The following PTPRZ1 variants were observed in gnomAD, a reference collection of about 807,000 sequenced individuals.
PTPRZ1 encodes protein tyrosine phosphatase receptor type Z1.
Under a neutral mutation model 214.1 loss-of-function variants are expected in PTPRZ1, and 82 were observed. The ratio of observed to expected loss-of-function variants is 0.38; its 90% CI spans 0.32 to 0.46. The LOEUF (loss-of-function observed/expected upper bound fraction) is 0.46. Ranked by LOEUF, PTPRZ1 falls within the 20% of genes least tolerant of loss-of-function variation. PTPRZ1 has a pLI of 1.00. For synonymous variants in PTPRZ1, 945 were observed against 987.9 expected (o/e 0.96, Z 0.81); for missense variants, 2,603 against 2,748.7 (o/e 0.95, Z 1.19).
chr7:122,019,338 G>A (rs1798946837), intron 13 of PTPRZ1, 70 bp downstream of exon 13: 1 of 1,424,538 alleles, frequency 7.0e-7, no homozygotes, highest in Non-Finnish European at 9.8e-7. Context: ...TCATCTGAAA[G>A]GTCTTCAAAG....
intron 1 of PTPRZ1, among the ~76,000 whole-genome samples, chr7:121,914,720 A>C (rs1795368885): frequency 6.6e-6 from 1 of 152,162 alleles, no homozygotes. Flanking sequence ...TAACAACATA[A>C]TGGGATTGTT....
intron 17 of PTPRZ1, 21 bp downstream of exon 17, chr7:122,034,399 G>A (rs1183686782): frequency 1.2e-6 from 2 of 1,601,714 alleles, no homozygotes; most frequent in South Asian, 1.1e-5. Context: ...TCTTAAATCA[G>A]CTCTGACTTC....
intron 13 of PTPRZ1, among the ~76,000 whole-genome samples, chr7:122,025,407 G>A (rs1439960234): frequency 4.1e-5 from 6 of 146,472 alleles, no homozygotes; most frequent in East Asian, 2.1e-4. Context: ...TCAGCTCACC[G>A]CAACCTCCAC....
chr7:122,013,578 T>C lies in PTPRZ1; in HGVS notation c.4532T>C (p.Leu1511Pro). Reference protein sequence around the residue: ...SPGKSPSANGLSQKHNDGKEE... With the variant: ...SPGKSPSANGPSQKHNDGKEE... ...GGTAAATCACCATCAGCAAATGGGC[T>C]ATCCCAAAAGCACAATGATGGAAAA... The change falls in exon 12 of 30, where the codon CTA becomes CCA. Residue 1511 changes from leucine to proline, a missense_variant. Leu to Pro is a moderately conservative substitution (Grantham distance 98). Transcript: ENST00000393386. 1 of 1,614,218 alleles carries C rather than the reference T, an allele frequency of 6.2e-7. No homozygotes were observed. The highest frequency in any genetic ancestry group is 8.5e-7 in the Non-Finnish European group (1 of 1,180,026).
At chr7:121,895,977 A>C (rs1211605750) in intron 1 of PTPRZ1, among the ~76,000 whole-genome samples, 1 of 152,162 alleles carries the variant, frequency 6.6e-6, no homozygotes, top group Non-Finnish European at 1.5e-5. Flanking sequence ...CAGGCTCCCT[A>C]GTCATTCTGC....
chr7:121,987,074 TAA>T (rs959893139), intron 8 of PTPRZ1, among the ~76,000 whole-genome samples: 4 of 152,224 alleles, frequency 2.6e-5, no homozygotes, highest in African/African-American at 9.6e-5. Flanking sequence ...TTAGGATAAA[TAA>T]AAGTGCTCAA....
At chr7:122,000,744 T>C (rs1798298937) in intron 10 of PTPRZ1, among the ~76,000 whole-genome samples, 1 of 140,388 alleles carries the variant, frequency 7.1e-6, no homozygotes, top group South Asian at 2.3e-4. Flanking sequence ...TGGAATGCAG[T>C]GGTGCAATCT....
intron 2 of PTPRZ1, among the ~76,000 whole-genome samples, chr7:121,945,474 A>G (rs1796343898): frequency 6.6e-6 from 1 of 152,158 alleles, no homozygotes; most frequent in South Asian, 2.1e-4. Flanking sequence ...GTACATTTTC[A>G]AAGTTGTAAG....
chr7:121,946,135 T>G (rs988033780), intron 2 of PTPRZ1, among the ~76,000 whole-genome samples: 3 of 152,220 alleles, frequency 2.0e-5, no homozygotes, highest in African/African-American at 7.2e-5. Context: ...TTCAGTGCTC[T>G]TGAAATTGAA....
chr7:122,012,331 C>T lies in PTPRZ1; in HGVS notation c.3285C>T (p.Thr1095=). ...AAACCTCTGTTTCCATTTCTAGCAC[C>T]AAGGGCATGTTTCCAGGGTCCCTTG... ...LQETSVSISS[T]KGMFPGSLAH... is the part of the protein sequence containing the mutation. The change falls in exon 12 of 30, where the codon ACC becomes ACT. Residue 1095 remains threonine (T), a synonymous_variant. Coordinates refer to ENST00000393386, the MANE Select transcript of PTPRZ1 (RefSeq NM_002851.3). The T allele has an allele frequency of 6.2e-7, 1 of 1,613,898 alleles. No individual in the cohort carries two copies. Among genetic ancestry groups the T allele is most frequent in the Non-Finnish European group, 8.5e-7 (1 of 1,179,894 alleles).
chr7:121,905,564 C>T (rs1387152937), intron 1 of PTPRZ1, among the ~76,000 whole-genome samples: 1 of 151,634 alleles, frequency 6.6e-6, no homozygotes, highest in Admixed American at 6.6e-5. Flanking sequence ...AGATTCAAAT[C>T]TAAGATTTTG....
At chr7:121,918,225 C>T (rs1386877337) in intron 1 of PTPRZ1, among the ~76,000 whole-genome samples, 1 of 152,132 alleles carries the variant, frequency 6.6e-6, no homozygotes. Flanking sequence ...ATAAAGCTGC[C>T]AGATTGTCCT....
intron 4 of PTPRZ1, among the ~76,000 whole-genome samples, chr7:121,973,933 C>T (rs1049250358): frequency 9.9e-4 from 8 of 8,054 alleles, no homozygotes; most frequent in African/African-American, 4.3e-3. Flanking sequence ...GACGCTGTCT[C>T]AAAAAAGAAA....
intron 10 of PTPRZ1, among the ~76,000 whole-genome samples, chr7:121,999,407 C>G (rs187745804): frequency 6.6e-6 from 1 of 152,254 alleles, no homozygotes; most frequent in Admixed American, 6.5e-5. Flanking sequence ...ACCAAAGTTC[C>G]TCACAATGAG....
At chr7:122,001,963 G>A (rs1430494489) in intron 10 of PTPRZ1, among the ~76,000 whole-genome samples, 1 of 152,084 alleles carries the variant, frequency 6.6e-6, no homozygotes, top group African/African-American at 2.4e-5. Context: ...TATATTGGTA[G>A]TGCCTGACTC....
Position 122,051,871 on chromosome 7 carries a change from A to G in PTPRZ1, c.6184A>G (p.Arg2062Gly), listed in dbSNP as rs772439766. The G allele has an allele frequency of 1.9e-6, 3 of 1,612,384 alleles. No individual in the cohort carries two copies. The highest frequency in any genetic ancestry group is 4.5e-5 in the East Asian group (2 of 44,828). The change falls in exon 25 of 30, where the codon AGA becomes GGA. Residue 2062 changes from arginine (R) to glycine (G), a missense_variant. Arg to Gly is a moderately radical substitution (Grantham distance 125). Coordinates refer to ENST00000393386, the MANE Select transcript of PTPRZ1 (RefSeq NM_002851.3). Reference sequence around the variant, plus strand: ...ATGAATGTTCTGTGTTCCAGTGGAAAGATCAAGGGTTGGCATTTCATCCCT... The same window carrying G: ...ATGAATGTTCTGTGTTCCAGTGGAAGGATCAAGGGTTGGCATTTCATCCCT... ...NRTSSIIPVE[R>G]SRVGISSLSG...
intron 1 of PTPRZ1, among the ~76,000 whole-genome samples, chr7:121,903,042 T>C (rs1795015622): frequency 6.6e-6 from 1 of 152,176 alleles, no homozygotes. Flanking sequence ...ATTTGTTTAA[T>C]ATGGAACATT....
At chr7:121,966,884 T>C (rs1342827971) in intron 2 of PTPRZ1, 1 of 152,168 alleles carries the variant, frequency 6.6e-6, no homozygotes, top group Admixed American at 6.5e-5. Flanking sequence ...ACCTCAATCA[T>C]GTAAAATCTT....
intron 10 of PTPRZ1, among the ~76,000 whole-genome samples, chr7:121,998,888 T>G (rs1798229961): frequency 6.6e-6 from 1 of 152,174 alleles, no homozygotes; most frequent in African/African-American, 2.4e-5. Flanking sequence ...TGGTTACAAA[T>G]TATATTAATT....
Sources: gnomAD v4.1 joint callset for allele counts (sites outside exome capture counted in the v4.1 genomes callset) on GRCh38, gnomAD v4.1.1 for gene constraint, MANE v1.5 for transcripts, NCBI Gene and HGNC (gene_info 2026-07-23, HGNC 2026-07-21) for gene names.